SIRT4: variants seen among roughly 807,000 people sequenced by gnomAD.
SIRT4 encodes the protein sirtuin 4.
In SIRT4, 23 loss-of-function variants were observed where a neutral mutation model predicts 26.1. The ratio of observed to expected loss-of-function variants is 0.88; its 90% CI spans 0.63 to 1.25. SIRT4 has a LOEUF of 1.25. Ranked by LOEUF, SIRT4 falls within the 50% of genes most tolerant of loss-of-function variation. The pLI is 0.00. For synonymous variants in SIRT4, 155 were observed against 158.4 expected, an observed-to-expected ratio of 0.98 and a Z score of 0.16; for missense variants, 361 against 405.4, an observed-to-expected ratio of 0.89 and a Z score of 0.94.
At chr12:120,292,942 G>A in the SIRT4 span, among the ~76,000 whole-genome samples, 31 of 152,162 alleles carry the variant, frequency 2.0e-4, no homozygotes, top group Admixed American at 5.9e-4. Flanking sequence ...CACTAAAACA[G>A]GTAAACTTGC....
At position 120,306,619 on chromosome 12, in the gene SIRT4, C is replaced by T. The variant is rs371843750; in HGVS notation, c.497+2561C>T. Among the ~76,000 whole-genome samples the T allele has an allele frequency of 1.3e-4, 20 of 152,094 alleles. No homozygotes were observed. In the East Asian group the frequency reaches 2.9e-3, roughly 22 times the overall value. Reference sequence around the variant, plus strand: ...GAGTTCGAGACCATCCTGGCCCACACGGTGAAACCCCATCTCTACTAAAAA... The same window carrying T: ...GAGTTCGAGACCATCCTGGCCCACATGGTGAAACCCCATCTCTACTAAAAA... On this transcript the variant is annotated intron_variant, in intron 2 of 3. Coordinates refer to ENST00000202967, the MANE Select transcript of SIRT4 (RefSeq NM_012240.3).
intron 2 of SIRT4, among the ~76,000 whole-genome samples, chr12:120,311,739 A>G (rs1333096198): frequency 1.8e-4 from 3 of 17,010 alleles, no homozygotes; most frequent in African/African-American, 6.2e-4. Flanking sequence ...TGCTCTCAAA[A>G]AAAAAAAAAA....
intron 2 of SIRT4, 70 bp downstream of exon 2, chr12:120,304,128 C>A: frequency 6.4e-7 from 1 of 1,551,350 alleles, no homozygotes; most frequent in South Asian, 1.2e-5. Flanking sequence ...CCTTGGCTGT[C>A]TTGATCACCA....
chr12:120,311,524 G>A (rs1216960483), intron 2 of SIRT4, among the ~76,000 whole-genome samples: 1 of 150,956 alleles, frequency 6.6e-6, no homozygotes, highest in Non-Finnish European at 1.5e-5. Flanking sequence ...CTGAGGTCGG[G>A]AGTTTGAGAC....
At chr12:120,294,733 G>A in the SIRT4 span, among the ~76,000 whole-genome samples, 1 of 151,898 alleles carries the variant, frequency 6.6e-6, no homozygotes, top group African/African-American at 2.4e-5. Context: ...GCCCAGGCTG[G>A]TCTCGAACTC....
chr12:120,301,067 C>A (rs2136824654), upstream of SIRT4, among the ~76,000 whole-genome samples: 1 of 152,308 alleles, frequency 6.6e-6, no homozygotes, highest in East Asian at 1.9e-4. Context: ...TCACTTTTGG[C>A]TGGGCACAGT....
chr12:120,293,825 TTCTA>T, the SIRT4 span, among the ~76,000 whole-genome samples: 1 of 137,906 alleles, frequency 7.3e-6, no homozygotes, highest in East Asian at 2.2e-4. Flanking sequence ...CTTTTCTACT[TTCTA>T]TCTCTATGAC....
At chr12:120,312,164 T>C (rs1360847433) in intron 2 of SIRT4, among the ~76,000 whole-genome samples, 7 of 152,196 alleles carry the variant, frequency 4.6e-5, no homozygotes, top group Non-Finnish European at 2.9e-5. Flanking sequence ...GTGTTTGTAG[T>C]GCAGTCCCTG....
chr12:120,311,222 G>A (rs1872956136), intron 2 of SIRT4, among the ~76,000 whole-genome samples: 1 of 150,880 alleles, frequency 6.6e-6, no homozygotes, highest in Non-Finnish European at 1.5e-5. Flanking sequence ...GGGCGTGGTG[G>A]TGCATGCCTG....
At chr12:120,304,755 A>C (rs1872673071) in intron 2 of SIRT4, among the ~76,000 whole-genome samples, 1 of 149,486 alleles carries the variant, frequency 6.7e-6, no homozygotes, top group Non-Finnish European at 1.5e-5. Context: ...TTCAGGACCA[A>C]CCTGGCAAAC....
chr12:120,310,901 A>T (rs2136841591), intron 2 of SIRT4, among the ~76,000 whole-genome samples: 1 of 150,708 alleles, frequency 6.6e-6, no homozygotes, highest in East Asian at 2.0e-4. Context: ...ACGGCCGGCT[A>T]ATTTTTTGTA....
chr12:120,298,196 C>CAAA (rs56752571), upstream of SIRT4, among the ~76,000 whole-genome samples: 3,372 of 21,024 alleles, frequency 0.16, 333 homozygotes, highest in African/African-American at 0.26. Context: ...AACTCCATCT[C>CAAA]AAAAAAAAAA....
At chr12:120,300,049 C>G (rs1872488349), upstream of SIRT4, among the ~76,000 whole-genome samples, 1 of 152,096 alleles carries the variant, frequency 6.6e-6, no homozygotes, top group Admixed American at 6.6e-5. Flanking sequence ...CTTTGGGAGG[C>G]CAAAGCAAGA....
intron 2 of SIRT4, among the ~76,000 whole-genome samples, chr12:120,304,825 ATATATATATATTTTTTTTTTTT>A (rs1456985495): frequency 5.5e-5 from 1 of 18,152 alleles, no homozygotes; most frequent in Non-Finnish European, 1.2e-4. Flanking sequence ...ATATATATAT[ATATATATATATTTTTTTTTTTT>A]TTTTTTTTTT....
upstream of SIRT4, among the ~76,000 whole-genome samples, chr12:120,297,488 G>A (rs1190556013): frequency 6.9e-6 from 1 of 145,000 alleles, no homozygotes; most frequent in Non-Finnish European, 1.5e-5. Context: ...CAGCTGACTT[G>A]GATGACAAAA....
the SIRT4 span, among the ~76,000 whole-genome samples, chr12:120,292,869 C>T: frequency 0.015 from 2,272 of 152,218 alleles, 63 homozygotes; most frequent in African/African-American, 0.051. Flanking sequence ...TCAACACCGC[C>T]CTGCTTTTAC....
intron 1 of SIRT4, among the ~76,000 whole-genome samples, chr12:120,302,848 T>C (rs1015011803): frequency 6.6e-6 from 1 of 151,662 alleles, no homozygotes; most frequent in Non-Finnish European, 1.5e-5. Context: ...GCCTCCCTAG[T>C]AGCTGGGATT....
At chr12:120,300,154 T>C (rs1174755739), upstream of SIRT4, among the ~76,000 whole-genome samples, 1 of 151,798 alleles carries the variant, frequency 6.6e-6, no homozygotes, top group Non-Finnish European at 1.5e-5. Flanking sequence ...TAGCTGGGCG[T>C]GGTGGTGGAT....
chr12:120,300,228 A>G (rs1872495464), upstream of SIRT4, among the ~76,000 whole-genome samples: 1 of 151,652 alleles, frequency 6.6e-6, no homozygotes, highest in South Asian at 2.1e-4. Context: ...GGAAGTAGAA[A>G]CTGCAGTGAG....
Sources: gnomAD v4.1 joint callset for allele counts (sites outside exome capture counted in the v4.1 genomes callset) on GRCh38, gnomAD v4.1.1 for gene constraint, MANE v1.5 for transcripts, NCBI Gene and HGNC (gene_info 2026-07-23, HGNC 2026-07-21) for gene names.